Variants in TASP1 observed in about 807,000 individuals in gnomAD.
TASP1 encodes the protein threonine aspartase 1.
A neutral mutation model predicts 56.6 loss-of-function variants in TASP1; 16 were observed. The observed-to-expected ratio is 0.28, with a 90% CI of 0.19 to 0.43. TASP1 has a LOEUF of 0.43. TASP1 is among the 20% of genes least tolerant of loss of function. TASP1 has a pLI of 1.00. For synonymous variants in TASP1, 179 were observed against 184.2 expected (o/e 0.97, Z 0.23); for missense variants, 393 against 511.6 (o/e 0.77, Z 2.24).
chr20:13,179,406 CGTGTGTGTGTGT>C, the TASP1 span, among the ~76,000 whole-genome samples: 5 of 143,402 alleles, frequency 3.5e-5, no homozygotes, highest in Admixed American at 7.0e-5. Context: ...GAATTATGTG[CGTGTGTGTGTGT>C]GTGTGTGTGT....
chr20:13,205,872 G>A, the TASP1 span, among the ~76,000 whole-genome samples: 3 of 152,200 alleles, frequency 2.0e-5, no homozygotes, highest in Non-Finnish European at 2.9e-5. Context: ...CATCCCCTCT[G>A]AGGACCCTCT....
chr20:13,589,305 G>A (rs113877924), intron 4 of TASP1, among the ~76,000 whole-genome samples: 5 of 151,950 alleles, frequency 3.3e-5, no homozygotes, highest in African/African-American at 7.3e-5. Context: ...TGATCCACCC[G>A]CCTCAGCCTC....
intron 11 of TASP1, among the ~76,000 whole-genome samples, chr20:13,450,392 A>G (rs2043573935): frequency 1.3e-5 from 2 of 152,090 alleles, no homozygotes; most frequent in Admixed American, 1.3e-4. Context: ...GTAGCATGCA[A>G]TGCTGTTTAA....
rs546419566 is a variant in TASP1 at position 13,469,792 on chromosome 20, C to CTTTTT, written c.985+13430_985+13434dup. Among the ~76,000 whole-genome samples, 347 of 39,536 alleles carry CTTTTT rather than the reference C, an allele frequency of 8.8e-3. 85 individuals carry two copies. Among genetic ancestry groups the CTTTTT allele is most frequent in the East Asian group, 0.022 (22 of 1,008 alleles). 25.9% of individuals were successfully genotyped at this position (39,536 alleles called of 152,430 possible). A position where few individuals can be genotyped will look rare whatever the true frequency, so the allele number is the denominator to read the frequency against. On this transcript the variant is annotated intron_variant, in intron 11 of 13. Coordinates refer to ENST00000337743, the MANE Select transcript of TASP1 (RefSeq NM_017714.3). Reference sequence around the variant, plus strand: ...ACAGTTGTCCAGGTCAATAAATGTCCTTTTTTTTTTTTTTTTTTTTTTTTT... The same window carrying CTTTTT: ...ACAGTTGTCCAGGTCAATAAATGTCCTTTTTTTTTTTTTTTTTTTTTTTTTTTTTT...
chr20:13,258,683 G>A, the TASP1 span, among the ~76,000 whole-genome samples: 6 of 152,062 alleles, frequency 3.9e-5, no homozygotes, highest in African/African-American at 1.2e-4. Context: ...TAGAATTCTC[G>A]TTGGTGAGAA....
chr20:13,243,146 A>G, the TASP1 span, among the ~76,000 whole-genome samples: 1 of 150,896 alleles, frequency 6.6e-6, no homozygotes, highest in Non-Finnish European at 1.5e-5. Flanking sequence ...TTACCAAAAA[A>G]GAACTCTTGC....
the TASP1 span, among the ~76,000 whole-genome samples, chr20:13,258,691 GAAC>G: frequency 6.6e-6 from 1 of 152,098 alleles, no homozygotes; most frequent in Non-Finnish European, 1.5e-5. Flanking sequence ...TCGTTGGTGA[GAAC>G]AACACTGGGA....
chr20:13,180,943 A>G, the TASP1 span, among the ~76,000 whole-genome samples: 1 of 152,218 alleles, frequency 6.6e-6, no homozygotes, highest in East Asian at 1.9e-4. Context: ...GAGTCATGAC[A>G]TCCTTGGGCT....
intron 11 of TASP1, among the ~76,000 whole-genome samples, chr20:13,437,052 C>G (rs1371106470): frequency 6.6e-6 from 1 of 151,766 alleles, no homozygotes; most frequent in Non-Finnish European, 1.5e-5. Context: ...AGAGACACAA[C>G]AAAAAAAGAG....
the TASP1 span, among the ~76,000 whole-genome samples, chr20:13,213,422 AG>A: frequency 6.6e-6 from 1 of 152,246 alleles, no homozygotes; most frequent in Non-Finnish European, 1.5e-5. Context: ...AACAAAAAAA[AG>A]AATTTAAGGC....
chr20:13,390,335 G>A lies in TASP1; in HGVS notation c.*25C>T, dbSNP rs1196814264. ...AGCTCAGGTTCTGAAATGCCTCTGA[G>A]ACGCTTCACACTCAGCCTGAAGGGT... On this transcript the variant is annotated 3_prime_UTR_variant, in exon 14 of 14. Coordinates refer to ENST00000337743, the MANE Select transcript of TASP1 (RefSeq NM_017714.3). 6.2e-7 allele frequency: 1 copy of A among 1,608,466 alleles called. No homozygotes were observed. The highest frequency in any genetic ancestry group is 1.3e-5 in the African/African-American group (1 of 74,792).
intron 13 of TASP1, among the ~76,000 whole-genome samples, chr20:13,398,387 C>CG (rs931023640): frequency 5.3e-5 from 8 of 151,090 alleles, no homozygotes; most frequent in Admixed American, 5.3e-4. Flanking sequence ...AAAAAAAAAG[C>CG]GGGGGGCAGT....
intron 10 of TASP1, 108 bp downstream of exon 10, chr20:13,528,325 T>A: frequency 2.7e-6 from 2 of 733,862 alleles, no homozygotes; most frequent in Non-Finnish European, 4.1e-6. Context: ...CCCACATCCA[T>A]ACACTGTCAT....
At chr20:13,196,530 T>C in the TASP1 span, among the ~76,000 whole-genome samples, 3 of 152,192 alleles carry the variant, frequency 2.0e-5, no homozygotes, top group Admixed American at 6.6e-5. Context: ...AAAACTGCAC[T>C]GTCCAGCATA....
chr20:13,189,642 A>T, the TASP1 span, among the ~76,000 whole-genome samples: 214 of 152,054 alleles, frequency 1.4e-3, no homozygotes, highest in Non-Finnish European at 2.5e-3. Flanking sequence ...ATTATTAAAT[A>T]AAAAAAATAG....
intron 8 of TASP1, among the ~76,000 whole-genome samples, chr20:13,540,874 G>A (rs974473023): frequency 5.3e-5 from 8 of 150,900 alleles, no homozygotes; most frequent in Non-Finnish European, 1.0e-4. Flanking sequence ...AATTTTACCT[G>A]TAAAAAAGGC....
intron 1 of TASP1, among the ~76,000 whole-genome samples, chr20:13,634,691 C>A (rs2049227801): frequency 6.9e-6 from 1 of 145,630 alleles, no homozygotes; most frequent in African/African-American, 2.6e-5. Context: ...GATTGCGCCA[C>A]TGCACCTCAG....
chr20:13,443,573 G>A (rs1262030489), intron 11 of TASP1, among the ~76,000 whole-genome samples: 1 of 152,124 alleles, frequency 6.6e-6, no homozygotes. Context: ...AATTACAGAT[G>A]GTGAGACACA....
At chr20:13,516,654 CTTTGTTT>C (rs1340186501) in intron 10 of TASP1, among the ~76,000 whole-genome samples, 1 of 126,522 alleles carries the variant, frequency 7.9e-6, no homozygotes, top group East Asian at 2.3e-4. Flanking sequence ...GATCTTACGC[CTTTGTTT>C]TTTTTTTTTT....
Sources: allele counts gnomAD v4.1 joint callset (sites outside exome capture counted in the v4.1 genomes callset), GRCh38; gene constraint gnomAD v4.1.1; transcripts MANE v1.5; gene names NCBI Gene and HGNC (gene_info 2026-07-23, HGNC 2026-07-21).